CYP51A1: variants seen among roughly 807,000 people sequenced by gnomAD.
CYP51A1 encodes lanosterol 14-alpha demethylase.
A neutral mutation model predicts 53.5 loss-of-function variants in CYP51A1; 45 were observed. The ratio of observed to expected loss-of-function variants is 0.84; its 90% CI spans 0.66 to 1.08. The LOEUF (loss-of-function observed/expected upper bound fraction) is 1.08. Ranked by LOEUF, CYP51A1 falls within the 50% of genes least tolerant of loss-of-function variation. CYP51A1 has a pLI of 0.00. For synonymous variants in CYP51A1, 181 were observed against 217.7 expected, an observed-to-expected ratio of 0.83 and a Z score of 1.48; for missense variants, 462 against 621.7, an observed-to-expected ratio of 0.74 and a Z score of 2.73.
chr7:92,118,430 G>C (rs1339988974), intron 8 of CYP51A1, 90 bp downstream of exon 8: 1 of 790,882 alleles, frequency 1.3e-6, no homozygotes, highest in East Asian at 2.5e-5. Context: ...AAAGTGTTGA[G>C]ATTACAGGTG....
intron 7 of CYP51A1, among the ~76,000 whole-genome samples, chr7:92,119,373 A>T (rs2130944975): frequency 6.6e-6 from 1 of 152,322 alleles, no homozygotes; most frequent in Non-Finnish European, 1.5e-5. Context: ...CTGTACACAC[A>T]GGTAGTGAAG....
intron 5 of CYP51A1, among the ~76,000 whole-genome samples, chr7:92,125,070 G>A (rs1819770154): frequency 6.6e-6 from 1 of 150,998 alleles, no homozygotes; most frequent in Non-Finnish European, 1.5e-5. Context: ...CGTGAACCTG[G>A]GAAGCAGAGC....
At chr7:92,120,973 G>A (rs1584632849) in intron 7 of CYP51A1, among the ~76,000 whole-genome samples, 3 of 152,208 alleles carry the variant, frequency 2.0e-5, no homozygotes, top group Admixed American at 2.0e-4. Flanking sequence ...AACATCACTA[G>A]TCACCAGGGA....
rs1226349869 is a variant in CYP51A1, at chr7:92,128,914, AAC to A, written c.432_433del (p.Phe145TrpfsTer10). The A allele has an allele frequency of 6.2e-7, 1 of 1,611,962 alleles. No homozygotes were observed. The highest frequency in any genetic ancestry group is 1.3e-5 in the African/African-American group (1 of 74,838). ...CACATCGTATGCAACTCCCTTCCCA[AAC>A]ACAGGTGTTGTCAGGCGACTGTAGA... On this transcript the variant is annotated frameshift_variant, in exon 3 of 10. Transcript: ENST00000003100. LOFTEE classifies it high-confidence loss of function.
chr7:92,117,805 T>C (rs1003852538), intron 8 of CYP51A1, among the ~76,000 whole-genome samples: 1 of 151,964 alleles, frequency 6.6e-6, no homozygotes, highest in African/African-American at 2.4e-5. Context: ...CTGACCAACA[T>C]GGATAAACCC....
At chr7:92,133,951 T>A (rs1266368387) in intron 1 of CYP51A1, among the ~76,000 whole-genome samples, 3 of 152,200 alleles carry the variant, frequency 2.0e-5, no homozygotes, top group East Asian at 1.9e-4. Context: ...CACAAGGCAA[T>A]GGCGGGTGCT....
At chr7:92,124,940 A>G (rs575122855) in intron 5 of CYP51A1, among the ~76,000 whole-genome samples, 18 of 152,206 alleles carry the variant, frequency 1.2e-4, no homozygotes, top group East Asian at 5.8e-4. Context: ...TCGGGAGATC[A>G]AGACCATCCT....
At chr7:92,121,107 T>C (rs542841297) in intron 7 of CYP51A1, among the ~76,000 whole-genome samples, 1 of 152,202 alleles carries the variant, frequency 6.6e-6, no homozygotes, top group East Asian at 1.9e-4. Context: ...CTGGCCAATA[T>C]GGTACAACCT....
At chr7:92,114,106 T>C (rs1333992951) in intron 9 of CYP51A1, among the ~76,000 whole-genome samples, 1 of 152,172 alleles carries the variant, frequency 6.6e-6, no homozygotes, top group African/African-American at 2.4e-5. Context: ...GTTAAATATA[T>C]GGAAAGTTTG....
chr7:92,127,744 C>T, intron 3 of CYP51A1, 113 bp from the exon 4 acceptor site: 1 of 1,065,842 alleles, frequency 9.4e-7, no homozygotes. Context: ...TGGTTTTAAC[C>T]CTTTGGGCAT....
At position 92,134,224 on chromosome 7, in the gene CYP51A1, G is replaced by C. The variant is rs1407880080; in HGVS notation, c.141C>G (p.Val47=). Residue 47 remains valine, a synonymous_variant, in exon 1 of 10, where the codon GTC becomes GTG. Coordinates refer to ENST00000003100, the MANE Select transcript of CYP51A1 (RefSeq NM_000786.4). Reference sequence around the variant, plus strand: ...GGCCGGCGGCCAGACGGATCAGGTAGACCAGGCTGAGGGTGAAGGCGCAGG... The same window carrying C: ...GGCCGGCGGCCAGACGGATCAGGTACACCAGGCTGAGGGTGAAGGCGCAGG... The part of the protein sequence containing the change: ...LIACAFTLSL[V]YLIRLAAGHL... 6.2e-7 allele frequency: 1 copy of C among 1,613,296 alleles called. No homozygotes were observed. The highest frequency in any genetic ancestry group is 1.7e-5 in the Admixed American group (1 of 60,016).
Position 92,119,742 on chromosome 7 carries a change from G to A in CYP51A1, c.1087-1127C>T, listed in dbSNP as rs535911531. ...AAAACACACCAAAACAGGAAAGTAT[G>A]GCCAGTACATAGAAAAAGCAAGCAG... On this transcript the variant is annotated intron_variant, in intron 7 of 9. Transcript: ENST00000003100. Among the ~76,000 whole-genome samples the A allele has an allele frequency of 3.0e-4, 46 of 152,136 alleles. 1 individual carries two copies. In the South Asian group the frequency reaches 9.1e-3, roughly 30 times the overall value.
chr7:92,126,183 C>T, intron 5 of CYP51A1, 70 bp downstream of exon 5: 1 of 1,090,944 alleles, frequency 9.2e-7, no homozygotes, highest in Non-Finnish European at 1.2e-6. Flanking sequence ...TTTGTTAAGG[C>T]AAAGCATACC....
Position 92,127,586 on chromosome 7 carries a change from C to T in CYP51A1, c.514G>A (p.Ala172Thr), listed in dbSNP as rs1819826530. ...ATAGAAACATGCTGTTTAAAGTGGG[C>T]TATGTTAAGGCCACTTTTTAACATT... is the stretch of plus-strand genomic sequence containing the variant. ...KKMLKSGLNI[A>T]HFKQHVSIIE... The change falls in exon 4 of 10, where the codon GCC becomes ACC. Residue 172 changes from alanine to threonine, a missense_variant. By Grantham distance (58) the Ala-to-Thr change is moderately conservative. Coordinates refer to ENST00000003100, the MANE Select transcript of CYP51A1 (RefSeq NM_000786.4). 1 of 1,613,162 alleles carries T rather than the reference C, an allele frequency of 6.2e-7. No homozygotes were observed. Among genetic ancestry groups the T allele is most frequent in the Admixed American group, 1.7e-5 (1 of 59,946 alleles).
At chr7:92,133,858 A>G (rs2130960517) in intron 1 of CYP51A1, among the ~76,000 whole-genome samples, 1 of 152,304 alleles carries the variant, frequency 6.6e-6, no homozygotes, top group Admixed American at 6.5e-5. Flanking sequence ...CGGTCAGTAC[A>G]GACCGCTACA....
In CYP51A1 at chr7:92,134,312, G is replaced by C. The variant is rs769042342; in HGVS notation, c.53C>G (p.Ser18Trp). ...LLLGLLQAGG[S>W]VLGQAMEKVT... ...CTTCTCCATCGCCTGGCCCAGCACC[G>C]ACCCACCCGCCTGCAGCAAGCCCAG... Residue 18 changes from serine to tryptophan, a missense_variant, in exon 1 of 10, where the codon TCG becomes TGG. Transcript: ENST00000003100. 4 of 1,600,524 alleles carry C rather than the reference G, an allele frequency of 2.5e-6. No individual in the cohort carries two copies. The African/African-American group carries it at 5.4e-5, about 22-fold the overall frequency.
At chr7:92,123,642 C>T in intron 6 of CYP51A1, 92 bp downstream of exon 6, 6 of 1,242,100 alleles carry the variant, frequency 4.8e-6, no homozygotes, top group Non-Finnish European at 6.7e-6. Context: ...ATTTTGCCAG[C>T]ATCACTGTTT....
At position 92,112,962 on chromosome 7, in the gene CYP51A1, T is replaced by C. The variant is rs1819479189; in HGVS notation, c.*703A>G. 1 of 152,108 alleles carries C rather than the reference T, an allele frequency of 6.6e-6. No individual in the cohort carries two copies. Among genetic ancestry groups the C allele is most frequent in the African/African-American group, 2.4e-5 (1 of 41,412 alleles). The allele number at this position is 152,108 out of a possible 1,614,324, so 9.4% of individuals were successfully genotyped here. A position where few individuals can be genotyped will look rare whatever the true frequency, so the allele number is the denominator to read the frequency against. On this transcript the variant is annotated 3_prime_UTR_variant, in exon 10 of 10. Transcript: ENST00000003100. Reference sequence around the variant, plus strand: ...TACATATTTATCAGGTAAATAAATATGTAATTATTTAGTAATTAGATCAAG... The same window carrying C: ...TACATATTTATCAGGTAAATAAATACGTAATTATTTAGTAATTAGATCAAG...
chr7:92,131,836 G>A lies in CYP51A1; in HGVS notation c.229C>T (p.Leu77Phe), dbSNP rs1213473126. 1.9e-6 allele frequency: 3 copies of A among 1,597,708 alleles called. No homozygotes were observed. The highest frequency in any genetic ancestry group is 2.6e-6 in the Non-Finnish European group (3 of 1,168,362). Residue 77 changes from leucine (L) to phenylalanine (F), a missense_variant, in exon 2 of 10, where the codon CTT (leucine) becomes TTT (phenylalanine). By Grantham distance (22) the Leu-to-Phe change is conservative. Coordinates refer to ENST00000003100, the MANE Select transcript of CYP51A1 (RefSeq NM_000786.4). ...PPYIFSPIPF[L>F]GHAIAFGKSP... ...TTCCCAAATGCTATGGCATGCCCAAGGAATGGAATTGGGGAGAAAATGTAT... is the reference window on the plus strand; with the variant it reads ...TTCCCAAATGCTATGGCATGCCCAAAGAATGGAATTGGGGAGAAAATGTAT...
Sources: allele counts gnomAD v4.1 joint callset (sites outside exome capture counted in the v4.1 genomes callset), GRCh38; gene constraint gnomAD v4.1.1; transcripts MANE v1.5; gene names NCBI Gene and HGNC (gene_info 2026-07-23, HGNC 2026-07-21).